Variants in AGPS observed in about 807,000 individuals in gnomAD.
AGPS encodes the protein alkyldihydroxyacetonephosphate synthase, peroxisomal.
A neutral mutation model predicts 90.7 loss-of-function variants in AGPS; 26 were observed. That is an observed-to-expected ratio of 0.29 (90% CI 0.21 to 0.40). The LOEUF is 0.40. AGPS is among the 10% of genes least tolerant of loss of function. The pLI, the probability that AGPS is intolerant of heterozygous loss-of-function variation, is 1.00. For synonymous variants in AGPS, 294 were observed against 285.3 expected (o/e 1.03, Z -0.31); for missense variants, 540 against 816.1 (o/e 0.66, Z 4.12).
intron 16 of AGPS, among the ~76,000 whole-genome samples, chr2:177,508,979 T>C (rs1177712575): frequency 6.6e-6 from 1 of 152,210 alleles, no homozygotes; most frequent in Admixed American, 6.5e-5. Flanking sequence ...TATACTGATA[T>C]TTTACTTTTC....
At chr2:177,505,654 G>T in intron 15 of AGPS, 79 bp downstream of exon 15, 1 of 1,289,400 alleles carries the variant, frequency 7.8e-7, no homozygotes, top group Non-Finnish European at 1.1e-6. Flanking sequence ...GAATGCAATT[G>T]TCTTCCCTAT....
intron 12 of AGPS, among the ~76,000 whole-genome samples, chr2:177,495,005 A>AC (rs1159414241): frequency 6.6e-6 from 1 of 152,210 alleles, no homozygotes; most frequent in African/African-American, 2.4e-5. Context: ...TTAACAAAGC[A>AC]CATGCCATAT....
At chr2:177,500,685 T>C (rs1167603093) in intron 14 of AGPS, among the ~76,000 whole-genome samples, 1 of 152,136 alleles carries the variant, frequency 6.6e-6, no homozygotes, top group African/African-American at 2.4e-5. Flanking sequence ...GCACTATTTT[T>C]AAGTATTGAA....
chr2:177,514,905 C>T (rs1314744191), intron 17 of AGPS, among the ~76,000 whole-genome samples: 1 of 151,900 alleles, frequency 6.6e-6, no homozygotes, highest in Non-Finnish European at 1.5e-5. Context: ...GTGGGAGACA[C>T]TGTCCATGTT....
intron 11 of AGPS, among the ~76,000 whole-genome samples, chr2:177,487,706 G>GT (rs1040525955): frequency 1.3e-5 from 2 of 151,926 alleles, no homozygotes; most frequent in East Asian, 3.9e-4. Flanking sequence ...TGTGTCATGC[G>GT]TTTTTTTCTC....
intron 19 of AGPS, among the ~76,000 whole-genome samples, chr2:177,530,729 T>C (rs955437539): frequency 3.3e-5 from 5 of 152,184 alleles, no homozygotes; most frequent in African/African-American, 1.2e-4. Context: ...CTGTGATAAA[T>C]GGAGCTATGT....
chr2:177,427,776 T>G (rs1362550200), intron 2 of AGPS, among the ~76,000 whole-genome samples: 1 of 152,116 alleles, frequency 6.6e-6, no homozygotes, highest in African/African-American at 2.4e-5. Context: ...AGAGTAAGTG[T>G]TGTGGCGATG....
intron 1 of AGPS, among the ~76,000 whole-genome samples, chr2:177,412,955 C>T (rs575441629): frequency 6.6e-6 from 1 of 152,292 alleles, no homozygotes; most frequent in South Asian, 2.1e-4. Context: ...ATCAGGAGCA[C>T]AGTGGACACC....
At chr2:177,414,218 C>CT (rs895858698) in intron 1 of AGPS, among the ~76,000 whole-genome samples, 40 of 151,558 alleles carry the variant, frequency 2.6e-4, no homozygotes, top group African/African-American at 8.7e-4. Flanking sequence ...TCTTTCTTTT[C>CT]TTTTTTTTGA....
At chr2:177,512,905 G>T (rs1348155276) in intron 16 of AGPS, among the ~76,000 whole-genome samples, 2 of 151,734 alleles carry the variant, frequency 1.3e-5, no homozygotes, top group Non-Finnish European at 2.9e-5. Flanking sequence ...GTGCAGTAGT[G>T]CGATGTTGGC....
At chr2:177,407,792 C>CTTTTTT (rs66559811) in intron 1 of AGPS, among the ~76,000 whole-genome samples, 2 of 139,302 alleles carry the variant, frequency 1.4e-5, no homozygotes, top group African/African-American at 5.4e-5. Context: ...AACAAATTTC[C>CTTTTTT]TTTTTTTTTT....
At chr2:177,425,340 G>A (rs1211000822) in intron 2 of AGPS, among the ~76,000 whole-genome samples, 1 of 151,782 alleles carries the variant, frequency 6.6e-6, no homozygotes, top group African/African-American at 2.4e-5. Context: ...GGGAATCCTG[G>A]CCGGGCGCAG....
intron 16 of AGPS, 39 bp from the exon 17 acceptor site, chr2:177,513,780 C>A (rs778729820): frequency 6.8e-7 from 1 of 1,476,650 alleles, no homozygotes; most frequent in East Asian, 2.3e-5. Flanking sequence ...GTAGTTCTCA[C>A]TTGAAAACTT....
At chr2:177,429,279 G>A (rs953118267) in intron 2 of AGPS, among the ~76,000 whole-genome samples, 3 of 152,098 alleles carry the variant, frequency 2.0e-5, no homozygotes, top group South Asian at 2.1e-4. Context: ...AGCGAAGTTC[G>A]TTATTACCCA....
chr2:177,493,200 GT>G lies in AGPS; in HGVS notation c.1285+2del. 1 of 1,610,964 alleles carries G rather than the reference GT, an allele frequency of 6.2e-7. No homozygotes were observed. Among genetic ancestry groups the G allele is most frequent in the Non-Finnish European group, 8.5e-7 (1 of 1,177,322 alleles). The stretch of plus-strand genomic sequence containing the variant: ...ATGGACAACAAGCAGTTTCAGTTTG[GT>G]AAGTAAGGAGTGGTAATTTTAAAAT... On this transcript the variant is annotated splice_donor_variant, in intron 12 of 19. Coordinates refer to ENST00000264167, the MANE Select transcript of AGPS (RefSeq NM_003659.4). LOFTEE classifies it high-confidence loss of function.
At chr2:177,528,633 C>T (rs2079110107) in intron 19 of AGPS, among the ~76,000 whole-genome samples, 1 of 152,068 alleles carries the variant, frequency 6.6e-6, no homozygotes, top group Admixed American at 6.6e-5. Flanking sequence ...TCTGTAATCC[C>T]CATTTGAATT....
At chr2:177,524,923 G>T (rs994943467) in intron 19 of AGPS, among the ~76,000 whole-genome samples, 123 of 152,306 alleles carry the variant, frequency 8.1e-4, no homozygotes, top group African/African-American at 2.8e-3. Context: ...GATTGCTAAT[G>T]TTGATGAATA....
At position 177,431,473 on chromosome 2, in the gene AGPS, C is replaced by T. The variant is rs540825443; in HGVS notation, c.351-2854C>T. 1.5e-4 allele frequency among the ~76,000 whole-genome samples: 23 copies of T among 152,182 alleles called. No homozygotes were observed. The South Asian group carries it at 2.3e-3, about 15-fold the overall frequency. On this transcript the variant is annotated intron_variant, in intron 2 of 19. Transcript: ENST00000264167. Reference sequence around the variant, plus strand: ...CGGTCTGACCTCAAATTTACCAGAGCGGGATCTTTTCCCCACCCTAATAAG... The same window carrying T: ...CGGTCTGACCTCAAATTTACCAGAGTGGGATCTTTTCCCCACCCTAATAAG...
At chr2:177,513,755 T>G in intron 16 of AGPS, 64 bp from the exon 17 acceptor site, 1 of 1,220,684 alleles carries the variant, frequency 8.2e-7, no homozygotes, top group Non-Finnish European at 1.2e-6. Context: ...TTAACCAACG[T>G]TTATTAGCAC....
Sources: gnomAD v4.1 joint callset for allele counts (sites outside exome capture counted in the v4.1 genomes callset) on GRCh38, gnomAD v4.1.1 for gene constraint, MANE v1.5 for transcripts, NCBI Gene and HGNC (gene_info 2026-07-23, HGNC 2026-07-21) for gene names.